Variants in LINGO2 observed in about 807,000 individuals in gnomAD.
The protein encoded by LINGO2 is leucine-rich repeat and immunoglobulin-like domain-containing nogo receptor-interacting protein 2.
In LINGO2, 14 loss-of-function variants were observed where a neutral mutation model predicts 30.6. The ratio of observed to expected loss-of-function variants is 0.46; its 90% CI spans 0.30 to 0.72. The LOEUF (loss-of-function observed/expected upper bound fraction) is 0.72. LINGO2 is among the 30% of genes least tolerant of loss of function. LINGO2 has a pLI of 0.07. For synonymous variants in LINGO2, 317 were observed against 288.5 expected (o/e 1.10, Z -1.00); for missense variants, 729 against 751.7 (o/e 0.97, Z 0.35).
chr9:28,201,167 G>A (rs925171322), intron 4 of LINGO2, among the ~76,000 whole-genome samples: 20 of 149,054 alleles, frequency 1.3e-4, no homozygotes, highest in African/African-American at 4.7e-4. Flanking sequence ...ATGCTGGTGC[G>A]CTGCACCCAC....
chr9:28,651,601 G>A (rs951731910), intron 1 of LINGO2, among the ~76,000 whole-genome samples: 6 of 151,986 alleles, frequency 3.9e-5, no homozygotes, highest in African/African-American at 1.2e-4. Flanking sequence ...TCTCTATTTG[G>A]CATACATAGT....
At chr9:29,040,907 T>G in the LINGO2 span, among the ~76,000 whole-genome samples, 5 of 152,020 alleles carry the variant, frequency 3.3e-5, no homozygotes, top group African/African-American at 1.2e-4. Flanking sequence ...GACATATAAC[T>G]TCTATGCACT....
intron 1 of LINGO2, 64 bp from the exon 4 acceptor site, chr9:28,476,089 T>C (rs1825716550): frequency 6.6e-6 from 1 of 152,546 alleles, no homozygotes; most frequent in Admixed American, 6.6e-5. Flanking sequence ...GATTTTACTA[T>C]ATTAATGGCC....
chr9:29,056,204 T>C, the LINGO2 span, among the ~76,000 whole-genome samples: 1 of 152,072 alleles, frequency 6.6e-6, no homozygotes. Context: ...TTGTACTAGT[T>C]TACATTCTCA....
the LINGO2 span, among the ~76,000 whole-genome samples, chr9:28,988,305 G>T: frequency 1.3e-5 from 2 of 151,910 alleles, no homozygotes; most frequent in African/African-American, 4.8e-5. Flanking sequence ...TCATTTTACA[G>T]TTTTCGACTT....
intron 4 of LINGO2, among the ~76,000 whole-genome samples, chr9:28,160,725 C>T (rs1452562587): frequency 6.6e-6 from 1 of 152,158 alleles, no homozygotes; most frequent in Non-Finnish European, 1.5e-5. Context: ...ATTCTATCCT[C>T]AGTGCTGGGA....
chr9:28,092,061 A>G (rs1458072563), intron 4 of LINGO2, among the ~76,000 whole-genome samples: 3 of 151,992 alleles, frequency 2.0e-5, no homozygotes, highest in Admixed American at 1.3e-4. Context: ...TGCTGGAGAG[A>G]ATGTGAAGAA....
intron 1 of LINGO2, among the ~76,000 whole-genome samples, chr9:28,577,415 C>G (rs980715133): frequency 6.6e-6 from 1 of 152,214 alleles, no homozygotes; most frequent in South Asian, 2.1e-4. Flanking sequence ...ATTCAGCCCA[C>G]GAGTACCATT....
At chr9:28,187,274 T>C (rs1169328939) in intron 4 of LINGO2, among the ~76,000 whole-genome samples, 1 of 151,988 alleles carries the variant, frequency 6.6e-6, no homozygotes, top group Non-Finnish European at 1.5e-5. Context: ...GCAGATCACT[T>C]GAGGTCAGGA....
chr9:28,365,180 G>C (rs1340043875), intron 3 of LINGO2, among the ~76,000 whole-genome samples: 1 of 152,150 alleles, frequency 6.6e-6, no homozygotes, highest in Non-Finnish European at 1.5e-5. Flanking sequence ...CTGCAGAGAG[G>C]GGAGAGAGTG....
At chr9:28,152,728 C>A (rs79739270) in intron 4 of LINGO2, among the ~76,000 whole-genome samples, 6,681 of 151,970 alleles carry the variant, frequency 0.044, 222 homozygotes, top group Admixed American at 0.085. Flanking sequence ...CAGAGTGGAT[C>A]AAATAATTAA....
chr9:29,081,909 C>G, the LINGO2 span, among the ~76,000 whole-genome samples: 2 of 152,020 alleles, frequency 1.3e-5, no homozygotes, highest in East Asian at 3.9e-4. Flanking sequence ...CTACAAACCA[C>G]TGCTCAATGA....
At chr9:28,747,922 G>A in the LINGO2 span, among the ~76,000 whole-genome samples, 1 of 152,012 alleles carries the variant, frequency 6.6e-6, no homozygotes, top group East Asian at 1.9e-4. Flanking sequence ...TGTCACTAAC[G>A]TACTTGCTTT....
intron 3 of LINGO2, among the ~76,000 whole-genome samples, chr9:28,302,042 C>T (rs576851026): frequency 6.6e-6 from 1 of 152,254 alleles, no homozygotes; most frequent in Admixed American, 6.5e-5. Flanking sequence ...GAGTTCCTTA[C>T]CACCAGACCT....
chr9:28,189,477 G>A (rs376890505), intron 4 of LINGO2, among the ~76,000 whole-genome samples: 14 of 13,536 alleles, frequency 1.0e-3, no homozygotes, highest in South Asian at 2.9e-3. Flanking sequence ...GGAAGGAAGG[G>A]AGGGAGGAAG....
the LINGO2 span, among the ~76,000 whole-genome samples, chr9:28,873,030 AAT>A: frequency 6.6e-6 from 1 of 152,110 alleles, no homozygotes; most frequent in Admixed American, 6.6e-5. Flanking sequence ...AAAATTAGAT[AAT>A]CTTTTGTTTA....
chr9:28,588,770 T>C (rs1360942470), intron 1 of LINGO2, among the ~76,000 whole-genome samples: 1 of 152,062 alleles, frequency 6.6e-6, no homozygotes, highest in Non-Finnish European at 1.5e-5. Flanking sequence ...GGGCTGTGGT[T>C]ACAAGGACAG....
At chr9:28,512,708 TTAAG>T (rs1411190471) in intron 1 of LINGO2, among the ~76,000 whole-genome samples, 1 of 148,214 alleles carries the variant, frequency 6.7e-6, no homozygotes, top group Non-Finnish European at 1.5e-5. Flanking sequence ...TGGGAATTTA[TTAAG>T]TATTAGTTAC....
chr9:28,388,920 G>A (rs1821712021), intron 2 of LINGO2, among the ~76,000 whole-genome samples: 1 of 151,432 alleles, frequency 6.6e-6, no homozygotes, highest in African/African-American at 2.4e-5. Context: ...CTCTTTCTTT[G>A]GATTTCCCAA....
Sources: allele counts gnomAD v4.1 joint callset (sites outside exome capture counted in the v4.1 genomes callset), GRCh38; gene constraint gnomAD v4.1.1; transcripts MANE v1.5; gene names NCBI Gene and HGNC (gene_info 2026-07-23, HGNC 2026-07-21).